SIRT4: variants seen among roughly 807,000 people sequenced by gnomAD.
SIRT4 encodes NAD-dependent protein lipoamidase sirtuin-4, mitochondrial.
Under a neutral mutation model 26.1 loss-of-function variants are expected in SIRT4, and 23 were observed. The observed-to-expected ratio is 0.88, with a 90% confidence interval of 0.63 to 1.25. The LOEUF (loss-of-function observed/expected upper bound fraction) is 1.25. Ranked by LOEUF, SIRT4 falls within the 50% of genes most tolerant of loss-of-function variation. The probability of loss-of-function intolerance (pLI) is 0.00; values close to 1 mark genes in which losing one functional copy is unlikely to be tolerated. For missense variants in SIRT4, 361 were observed against 405.4 expected, an observed-to-expected ratio of 0.89 and a Z score of 0.94; for synonymous variants, 155 against 158.4, an observed-to-expected ratio of 0.98 and a Z score of 0.16.
At chr12:120,297,363 GCC>G (rs1257279745), upstream of SIRT4, among the ~76,000 whole-genome samples, 208 of 114,770 alleles carry the variant, frequency 1.8e-3, no homozygotes, top group Admixed American at 3.3e-3. Context: ...AAAGACTAAA[GCC>G]CTAATCCTAA....
At chr12:120,304,923 G>A (rs1313978734) in intron 2 of SIRT4, among the ~76,000 whole-genome samples, 1 of 149,190 alleles carries the variant, frequency 6.7e-6, no homozygotes, top group African/African-American at 2.5e-5. Flanking sequence ...GGAGGCCAAG[G>A]CAGGCAGATT....
In SIRT4 at chr12:120,313,034, T is replaced by G; in HGVS notation, c.943T>G (p.Ter315GlyextTer15). The change falls in exon 4 of 4, where the codon TGA (stop) becomes GGA (glycine). Residue 315 changes from the stop codon to glycine, a stop_lost. Transcript: ENST00000202967. ...GTTGCTGCCTTTGATAGACCCATGC[T>G]GACCACAGCCTGATATTCCAGAACC... Reference protein sequence around the residue: ...GELLPLIDPC* With the variant: ...GELLPLIDPCG 6.2e-7 allele frequency: 1 copy of G among 1,614,132 alleles called. No individual in the cohort carries two copies. The highest frequency in any genetic ancestry group is 8.5e-7 in the Non-Finnish European group (1 of 1,180,024).
the SIRT4 span, among the ~76,000 whole-genome samples, chr12:120,292,874 T>A: frequency 1.3e-4 from 20 of 149,062 alleles, no homozygotes; most frequent in South Asian, 4.4e-4. Context: ...ACCGCCCTGC[T>A]TTTACCTTAA....
chr12:120,300,741 C>G (rs1872512789), upstream of SIRT4, among the ~76,000 whole-genome samples: 1 of 152,200 alleles, frequency 6.6e-6, no homozygotes, highest in Non-Finnish European at 1.5e-5. Flanking sequence ...AACCACTGCA[C>G]TCAGCCCAAT....
chr12:120,298,196 C>CA (rs56752571), upstream of SIRT4, among the ~76,000 whole-genome samples: 2,819 of 20,646 alleles, frequency 0.14, 300 homozygotes, highest in Admixed American at 0.19. Flanking sequence ...AACTCCATCT[C>CA]AAAAAAAAAA....
At chr12:120,299,421 G>C (rs929815435), upstream of SIRT4, among the ~76,000 whole-genome samples, 2 of 151,020 alleles carry the variant, frequency 1.3e-5, no homozygotes, top group African/African-American at 4.9e-5. Flanking sequence ...GCGCAGTGGC[G>C]AGCGCCTGTA....
At chr12:120,307,533 G>C (rs1872786715) in intron 2 of SIRT4, among the ~76,000 whole-genome samples, 1 of 151,770 alleles carries the variant, frequency 6.6e-6, no homozygotes, top group African/African-American at 2.4e-5. Flanking sequence ...CACTTTATAT[G>C]CAAGAACTTT....
In SIRT4 at chr12:120,303,765, A is replaced by G; in HGVS notation, c.204A>G (p.Glu68=). 6.2e-7 allele frequency: 1 copy of G among 1,614,124 alleles called. No individual in the cohort carries two copies. Among genetic ancestry groups the G allele is most frequent in the Non-Finnish European group, 8.5e-7 (1 of 1,180,032 alleles). ...TGACTGGGGCAGGAATCTCCACCGA[A>G]TCGGGGATACCAGACTACAGGTCAG... ...LVMTGAGIST[E]SGIPDYRSEK... Residue 68 remains glutamate, a synonymous_variant, in exon 2 of 4, where the codon GAA becomes GAG. Transcript: ENST00000202967.
Position 120,312,727 on chromosome 12 carries a change from T to G in SIRT4, c.769T>G (p.Leu257Val), listed in dbSNP as rs199707524. 5.0e-6 allele frequency: 8 copies of G among 1,613,640 alleles called. No individual in the cohort carries two copies. The African/African-American group carries it at 1.1e-4, about 22-fold the overall frequency. ...HKRVKEADSL[L>V]VVGSSLQVYS... is the part of the protein sequence containing the mutation. Reference sequence around the variant, plus strand: ...GCGTGTAAAAGAAGCCGACTCCCTCTTGGTGGTGGGATCATCCTTGCAGGT... The same window carrying G: ...GCGTGTAAAAGAAGCCGACTCCCTCGTGGTGGTGGGATCATCCTTGCAGGT... The change falls in exon 3 of 4, where the codon TTG becomes GTG. Residue 257 changes from leucine (L) to valine (V), a missense_variant. Leu to Val is a conservative substitution (Grantham distance 32). Coordinates refer to ENST00000202967, the MANE Select transcript of SIRT4 (RefSeq NM_012240.3).
upstream of SIRT4, among the ~76,000 whole-genome samples, chr12:120,301,790 A>G (rs1289077700): frequency 1.3e-5 from 2 of 150,222 alleles, no homozygotes; most frequent in African/African-American, 2.5e-5. Context: ...AAGAGAAAAG[A>G]TGGCCGGGCG....
At chr12:120,311,665 G>T (rs1248878931) in intron 2 of SIRT4, among the ~76,000 whole-genome samples, 11 of 146,194 alleles carry the variant, frequency 7.5e-5, no homozygotes, top group Non-Finnish European at 1.6e-4. Flanking sequence ...AGACCAGGAG[G>T]TGGAGGTTGC....
chr12:120,293,164 G>GA, the SIRT4 span: 11 of 152,140 alleles, frequency 7.2e-5, no homozygotes, highest in Admixed American at 2.6e-4. Context: ...GGGGTATTGG[G>GA]AAAAGTTTTC....
At chr12:120,293,483 G>C in the SIRT4 span, among the ~76,000 whole-genome samples, 2 of 152,188 alleles carry the variant, frequency 1.3e-5, no homozygotes, top group Admixed American at 1.3e-4. Flanking sequence ...TTCAGAGACT[G>C]CGAAGGGCTT....
chr12:120,309,983 C>T (rs950337238), intron 2 of SIRT4, among the ~76,000 whole-genome samples: 5 of 152,034 alleles, frequency 3.3e-5, no homozygotes, highest in African/African-American at 9.7e-5. Context: ...TCCCAAATTG[C>T]TGGGATTACA....
Position 120,313,126 on chromosome 12 carries a change from G to A in SIRT4, c.*90G>A. ...ATGCCTTCTCAAATGACAGATTCCAGTTCCCATTCAACAGAGTAGGGTGCA... is the reference window on the plus strand; with the variant it reads ...ATGCCTTCTCAAATGACAGATTCCAATTCCCATTCAACAGAGTAGGGTGCA... On this transcript the variant is annotated 3_prime_UTR_variant, in exon 4 of 4. Transcript: ENST00000202967. 1 of 1,478,730 alleles carries A rather than the reference G, an allele frequency of 6.8e-7. No individual in the cohort carries two copies. Among genetic ancestry groups the A allele is most frequent in the South Asian group, 1.2e-5 (1 of 84,710 alleles). The allele number at this position is 1,478,730 out of a possible 1,614,324, so 91.6% of individuals were successfully genotyped here.
At chr12:120,296,197 A>G in the SIRT4 span, among the ~76,000 whole-genome samples, 2 of 151,158 alleles carry the variant, frequency 1.3e-5, no homozygotes, top group African/African-American at 2.4e-5. Flanking sequence ...ACATTCATGT[A>G]CTCATCATCC....
upstream of SIRT4, among the ~76,000 whole-genome samples, chr12:120,300,152 C>T (rs1471280434): frequency 5.9e-5 from 9 of 151,832 alleles, no homozygotes; most frequent in African/African-American, 1.7e-4. Context: ...TTTAGCTGGG[C>T]GTGGTGGTGG....
upstream of SIRT4, among the ~76,000 whole-genome samples, chr12:120,300,291 C>CA (rs1225495337): frequency 7.2e-6 from 1 of 138,310 alleles, no homozygotes; most frequent in Non-Finnish European, 1.6e-5. Context: ...GACCCTGTCT[C>CA]AAAAAAAAGA....
the SIRT4 span, among the ~76,000 whole-genome samples, chr12:120,296,520 T>A: frequency 6.7e-6 from 1 of 149,998 alleles, no homozygotes. Context: ...TTTTTTGTTT[T>A]TTTTTTTTTG....
Sources: gnomAD v4.1 joint callset for allele counts (sites outside exome capture counted in the v4.1 genomes callset) on GRCh38, gnomAD v4.1.1 for gene constraint, MANE v1.5 for transcripts, NCBI Gene and HGNC (gene_info 2026-07-23, HGNC 2026-07-21) for gene names.